Variants in TMEM117 observed in about 807,000 individuals in gnomAD.
The protein encoded by TMEM117 is transmembrane protein 117.
A neutral mutation model predicts 52.4 loss-of-function variants in TMEM117; 27 were observed. The observed-to-expected ratio is 0.51, with a 90% CI of 0.38 to 0.71. The LOEUF is 0.71. Ranked by LOEUF, TMEM117 falls within the 30% of genes least tolerant of loss-of-function variation. TMEM117 has a pLI of 0.00. For missense variants in TMEM117, 556 were observed against 630.5 expected, an observed-to-expected ratio of 0.88 and a Z score of 1.26; for synonymous variants, 215 against 206.3, an observed-to-expected ratio of 1.04 and a Z score of -0.36.
chr12:43,847,433 AAAG>A (rs1943228661), intron 2 of TMEM117, among the ~76,000 whole-genome samples: 2 of 152,326 alleles, frequency 1.3e-5, no homozygotes, highest in Admixed American at 1.3e-4. Flanking sequence ...TTACTGTGAA[AAAG>A]AAGATCCCAT....
intron 6 of TMEM117, among the ~76,000 whole-genome samples, chr12:44,372,500 CA>C (rs1951877943): frequency 6.6e-6 from 1 of 151,412 alleles, no homozygotes; most frequent in Admixed American, 6.6e-5. Context: ...GATTAGAAGC[CA>C]ACTATCCCTG....
chr12:44,002,289 T>A (rs1054856304), intron 3 of TMEM117, among the ~76,000 whole-genome samples: 1 of 152,166 alleles, frequency 6.6e-6, no homozygotes, highest in African/African-American at 2.4e-5. Flanking sequence ...GAATAACCCC[T>A]TTTATGGAAG....
intron 4 of TMEM117, among the ~76,000 whole-genome samples, chr12:44,149,384 C>A (rs1226775192): frequency 6.6e-6 from 1 of 152,136 alleles, no homozygotes; most frequent in Non-Finnish European, 1.5e-5. Flanking sequence ...GGTCAATATT[C>A]ATTTACAACT....
rs1188954187 is a variant in TMEM117 at position 43,853,990 on chromosome 12, A to G, written c.277+9062A>G. Among the ~76,000 whole-genome samples, 6 of 152,210 alleles carry G rather than the reference A, an allele frequency of 3.9e-5. No homozygotes were observed. In the East Asian group the frequency reaches 1.2e-3, roughly 29 times the overall value. ...TTGGAGTTGGGGTAAAAGCTGAAGA[A>G]TTCATGCTCATTTTGACTGAGAACA... On this transcript the variant is annotated intron_variant, in intron 2 of 7. Transcript: ENST00000266534.
intron 5 of TMEM117, chr12:44,244,302 A>T (rs1950101536): frequency 6.6e-6 from 1 of 152,002 alleles, no homozygotes; most frequent in South Asian, 2.1e-4. Flanking sequence ...TGTCTTCTTG[A>T]TAATAGCTAT....
chr12:44,033,563 T>C (rs1401333021), intron 3 of TMEM117, among the ~76,000 whole-genome samples: 1 of 152,140 alleles, frequency 6.6e-6, no homozygotes, highest in Non-Finnish European at 1.5e-5. Flanking sequence ...GCCAACAAGC[T>C]CAGCTAACAG....
chr12:44,086,486 A>T (rs937359084), intron 3 of TMEM117, among the ~76,000 whole-genome samples: 3 of 151,996 alleles, frequency 2.0e-5, no homozygotes, highest in African/African-American at 7.3e-5. Context: ...AAGTGCTGGG[A>T]TTACAGGCGT....
intron 3 of TMEM117, among the ~76,000 whole-genome samples, chr12:44,036,344 C>T (rs1235750132): frequency 2.0e-5 from 3 of 152,208 alleles, no homozygotes; most frequent in Non-Finnish European, 4.4e-5. Flanking sequence ...CTATGGACAT[C>T]TCTCTGATCT....
intron 2 of TMEM117, among the ~76,000 whole-genome samples, chr12:43,863,746 G>A (rs566117869): frequency 7.2e-5 from 11 of 152,292 alleles, no homozygotes; most frequent in Middle Eastern, 3.4e-3. Flanking sequence ...GGCAGCCCTC[G>A]CAGCCCTCAC....
intron 2 of TMEM117, among the ~76,000 whole-genome samples, chr12:43,934,461 GTTTA>G (rs1254328783): frequency 6.6e-6 from 1 of 152,064 alleles, no homozygotes; most frequent in Non-Finnish European, 1.5e-5. Flanking sequence ...GTCAACATGT[GTTTA>G]TTTAGTAATT....
At chr12:44,392,539 A>G (rs1952165719), downstream of TMEM117, among the ~76,000 whole-genome samples, 1 of 151,974 alleles carries the variant, frequency 6.6e-6, no homozygotes, top group African/African-American at 2.4e-5. Context: ...TATTATTATT[A>G]TACTTTAAGT....
At chr12:43,804,403 A>T in the TMEM117 span, 1 of 808,068 alleles carries the variant, frequency 1.2e-6, no homozygotes, top group Non-Finnish European at 2.0e-6. Flanking sequence ...CATATTAATT[A>T]ATAGTTCAAA....
chr12:44,346,599 G>T (rs980297380), intron 6 of TMEM117, among the ~76,000 whole-genome samples: 1 of 152,058 alleles, frequency 6.6e-6, no homozygotes. Flanking sequence ...CGATCCCATG[G>T]TATAGGCAGC....
At chr12:43,799,636 T>A in the TMEM117 span, 1 of 513,582 alleles carries the variant, frequency 1.9e-6, no homozygotes, top group African/African-American at 2.0e-5. Flanking sequence ...TTTTAATATC[T>A]TTTTACTTTT....
chr12:44,326,792 C>T (rs1951201203), intron 6 of TMEM117, among the ~76,000 whole-genome samples: 1 of 152,196 alleles, frequency 6.6e-6, no homozygotes, highest in African/African-American at 2.4e-5. Flanking sequence ...CACTATTCAC[C>T]AAATGTGTCG....
intron 4 of TMEM117, among the ~76,000 whole-genome samples, chr12:44,170,380 A>G (rs1324705657): frequency 6.6e-6 from 1 of 151,984 alleles, no homozygotes; most frequent in Non-Finnish European, 1.5e-5. Flanking sequence ...CCAACATGGC[A>G]CATGTATACA....
intron 6 of TMEM117, among the ~76,000 whole-genome samples, chr12:44,346,233 T>C (rs1431373106): frequency 3.3e-5 from 5 of 152,110 alleles, no homozygotes; most frequent in African/African-American, 1.2e-4. Flanking sequence ...AACAAAATGC[T>C]TGGTACTAAA....
chr12:44,127,126 G>T (rs2138155765), intron 3 of TMEM117, among the ~76,000 whole-genome samples: 1 of 152,228 alleles, frequency 6.6e-6, no homozygotes, highest in East Asian at 1.9e-4. Context: ...GAAAGTGGAG[G>T]CAATTTTACA....
At chr12:44,225,165 G>T (rs1949844630) in intron 5 of TMEM117, among the ~76,000 whole-genome samples, 1 of 152,140 alleles carries the variant, frequency 6.6e-6, no homozygotes, top group African/African-American at 2.4e-5. Context: ...AAAATACTTA[G>T]TATACTTTAT....
Sources: allele counts gnomAD v4.1 joint callset (sites outside exome capture counted in the v4.1 genomes callset), GRCh38; gene constraint gnomAD v4.1.1; transcripts MANE v1.5; gene names NCBI Gene and HGNC (gene_info 2026-07-23, HGNC 2026-07-21).